The following DACH2 variants were observed in gnomAD, a reference collection of about 807,000 sequenced individuals.
The protein encoded by DACH2 is dachshund family transcription factor 2, also known as dachshund homolog 2.
DACH2 carries 17 observed loss-of-function variants against 35.8 expected under a neutral mutation model. The ratio of observed to expected loss-of-function variants is 0.48; its 90% CI spans 0.33 to 0.71. The LOEUF (loss-of-function observed/expected upper bound fraction) is 0.71, where lower values mean the gene tolerates loss of function less well. DACH2 is among the 30% of genes least tolerant of loss of function. The pLI is 0.02. For synonymous variants in DACH2, 195 were observed against 177.3 expected, an observed-to-expected ratio of 1.10 and a Z score of -0.79; for missense variants, 469 against 472.7, an observed-to-expected ratio of 0.99 and a Z score of 0.07.
At chrX:86,421,079 T>C (rs2036794010) in intron 2 of DACH2, among the ~76,000 whole-genome samples, 1 of 111,913 alleles carries the variant, frequency 8.9e-6, no homozygotes. Context: ...CCATTTGTCA[T>C]GCACAAAAGC....
At chrX:86,819,014 AT>A (rs1405395643) in intron 11 of DACH2, among the ~76,000 whole-genome samples, 79 of 107,510 alleles carry the variant, frequency 7.3e-4, no homozygotes, top group Non-Finnish European at 5.9e-4. Context: ...TATATATAGT[AT>A]ATATACATAA....
chrX:86,419,440 C>T (rs929350683), intron 2 of DACH2, among the ~76,000 whole-genome samples: 1 of 111,902 alleles, frequency 8.9e-6, no homozygotes, highest in African/African-American at 3.2e-5. Context: ...TGGCCACAGG[C>T]AAAAAGCAAG....
At chrX:86,228,738 A>AT (rs1242298543) in intron 1 of DACH2, among the ~76,000 whole-genome samples, 1 of 110,596 alleles carries the variant, frequency 9.0e-6, no homozygotes, top group African/African-American at 3.3e-5. Flanking sequence ...TTTTTCATGT[A>AT]TTTTTTGGCC....
intron 1 of DACH2, among the ~76,000 whole-genome samples, chrX:86,162,233 A>T (rs1159249944): frequency 2.7e-5 from 3 of 111,302 alleles, no homozygotes; most frequent in Non-Finnish European, 5.7e-5. Flanking sequence ...TCCTTCAAAG[A>T]AGGGGCAGTG....
At chrX:86,533,851 G>A (rs2038759462) in intron 3 of DACH2, among the ~76,000 whole-genome samples, 1 of 110,729 alleles carries the variant, frequency 9.0e-6, no homozygotes, top group Non-Finnish European at 1.9e-5. Context: ...GATCAAGGAG[G>A]CCAGATAAAG....
At chrX:86,175,353 C>T (rs1051255934) in intron 1 of DACH2, among the ~76,000 whole-genome samples, 2 of 111,827 alleles carry the variant, frequency 1.8e-5, no homozygotes, top group African/African-American at 3.3e-5. Context: ...ATGGTAATCT[C>T]TATGAGAAAA....
intron 6 of DACH2, among the ~76,000 whole-genome samples, chrX:86,732,472 T>A (rs2041542397): frequency 8.9e-6 from 1 of 112,429 alleles, no homozygotes; most frequent in Admixed American, 9.4e-5. Flanking sequence ...GTTAGTTAAA[T>A]AAGATGCATT....
intron 1 of DACH2, among the ~76,000 whole-genome samples, chrX:86,220,452 C>T (rs2032684030): frequency 9.0e-6 from 1 of 111,514 alleles, no homozygotes; most frequent in African/African-American, 3.3e-5. Context: ...TTAGGTACCT[C>T]ATATAAGTGA....
chrX:86,637,480 C>T (rs12555981), intron 3 of DACH2, among the ~76,000 whole-genome samples: 13,758 of 110,354 alleles, frequency 0.12, 753 homozygotes, highest in East Asian at 0.32. Flanking sequence ...AACCTAAATT[C>T]CCACCATTGG....
At chrX:86,540,461 C>T (rs1472125336) in intron 3 of DACH2, among the ~76,000 whole-genome samples, 3 of 112,084 alleles carry the variant, frequency 2.7e-5, no homozygotes, top group African/African-American at 9.7e-5. Flanking sequence ...CATTTGTGTA[C>T]AAAGGAAAGT....
Position 86,288,958 on chromosome X carries a change from C to A in DACH2, c.489-87866C>A, listed in dbSNP as rs374293148. On this transcript the variant is annotated intron_variant, in intron 1 of 11. Transcript: ENST00000373125. ...TCTATTTTTCTCAAGTGGAAGGAGT[C>A]TTGCCCTGTAGCCACCATAGCTGGG... Among the ~76,000 whole-genome samples the A allele has an allele frequency of 4.8e-4, 53 of 111,030 alleles. 1 individual carries two copies. In the East Asian group the frequency reaches 5.4e-3, roughly 11 times the overall value.
intron 1 of DACH2, among the ~76,000 whole-genome samples, chrX:86,292,738 G>T (rs762045503): frequency 1.0e-3 from 112 of 112,031 alleles, no homozygotes; most frequent in African/African-American, 3.0e-3. Flanking sequence ...GAGCGGTTTT[G>T]AGTGAGTTTC....
At chrX:86,344,842 G>GTTAACTTCTTTTTACAGGA (rs2035471682) in intron 1 of DACH2, among the ~76,000 whole-genome samples, 1 of 111,277 alleles carries the variant, frequency 9.0e-6, no homozygotes, top group Non-Finnish European at 1.9e-5. Flanking sequence ...TTTCTCTCTG[G>GTTAACTTCTTTTTACAGGA]TTAACTTCTT....
At chrX:86,242,945 G>C (rs902469461) in intron 1 of DACH2, among the ~76,000 whole-genome samples, 3 of 111,316 alleles carry the variant, frequency 2.7e-5, no homozygotes, top group African/African-American at 9.8e-5. Context: ...CATGCTTCCT[G>C]TATAGCCTAT....
intron 4 of DACH2, among the ~76,000 whole-genome samples, chrX:86,659,453 T>C (rs1569461868): frequency 9.0e-6 from 1 of 111,127 alleles, no homozygotes; most frequent in Non-Finnish European, 1.9e-5. Context: ...TAATGTTATC[T>C]CTTCCTCACA....
intron 4 of DACH2, among the ~76,000 whole-genome samples, chrX:86,663,076 A>G (rs1447375863): frequency 8.9e-6 from 1 of 111,827 alleles, no homozygotes; most frequent in Non-Finnish European, 1.9e-5. Flanking sequence ...GAAAATTAGT[A>G]GCTTTTTAAT....
intron 6 of DACH2, among the ~76,000 whole-genome samples, chrX:86,725,587 A>G (rs2041458116): frequency 9.0e-6 from 1 of 111,241 alleles, no homozygotes; most frequent in African/African-American, 3.3e-5. Flanking sequence ...AGAGCAGCTT[A>G]CATAGGCACC....
At chrX:86,720,426 T>A in intron 6 of DACH2, among the ~76,000 whole-genome samples, 1 of 111,583 alleles carries the variant, frequency 9.0e-6, no homozygotes, top group East Asian at 2.8e-4. Flanking sequence ...TGGGAGAAAT[T>A]CAGCCAAAAC....
chrX:86,207,230 T>G (rs930792540), intron 1 of DACH2, among the ~76,000 whole-genome samples: 6 of 111,566 alleles, frequency 5.4e-5, no homozygotes, highest in Non-Finnish European at 9.4e-5. Flanking sequence ...AGGCCACTCT[T>G]CCGTCTCTGT....
Sources: allele counts gnomAD v4.1 joint callset (sites outside exome capture counted in the v4.1 genomes callset), GRCh38; gene constraint gnomAD v4.1.1; transcripts MANE v1.5; gene names NCBI Gene and HGNC (gene_info 2026-07-23, HGNC 2026-07-21).